PPIG: variants seen among roughly 807,000 people sequenced by gnomAD.
PPIG encodes the protein peptidyl-prolyl cis-trans isomerase G.
PPIG carries 26 observed loss-of-function variants against 87.9 expected under a neutral mutation model. That is an observed-to-expected ratio of 0.30 (90% confidence interval 0.22 to 0.41). The LOEUF is 0.41. Among genes scored for constraint, PPIG ranks in the 10% least tolerant of loss-of-function variants. PPIG has a pLI of 1.00. For missense variants in PPIG, 722 were observed against 879.4 expected (o/e 0.82, Z 2.26); for synonymous variants, 308 against 276.5 (o/e 1.11, Z -1.13).
Position 169,614,657 on chromosome 2 carries a change from T to C in PPIG, c.480T>C (p.Asp160=). The part of the protein sequence containing the change: ...VVREIENQKT[D]AASKPFAEVR... ...GAGAGATTGAAAACCAGAAAACAGA[T>C]GCAGCTAGCAAACCGTTTGCGGAGG... is the stretch of plus-strand genomic sequence containing the variant. The change falls in exon 9 of 14, where the codon GAT becomes GAC. Residue 160 remains aspartate (D), a synonymous_variant. Coordinates refer to ENST00000260970, the MANE Select transcript of PPIG (RefSeq NM_004792.3). The C allele has an allele frequency of 6.2e-7, 1 of 1,612,992 alleles. No individual in the cohort carries two copies. Among genetic ancestry groups the C allele is most frequent in the Non-Finnish European group, 8.5e-7 (1 of 1,179,898 alleles).
rs1224953727 is a variant in PPIG at position 169,638,911 on chromosome 2, TAG to T, written c.*1393_*1394del. On this transcript the variant is annotated 3_prime_UTR_variant, in exon 14 of 14. Transcript: ENST00000260970. ...CAAAATTCCAATTAATAGGATTCTCTAGAGAGTTTTGTACTTTAATATTTGTC... is the reference window on the plus strand; with the variant it reads ...CAAAATTCCAATTAATAGGATTCTCTAGAGTTTTGTACTTTAATATTTGTC... 6.6e-5 allele frequency: 10 copies of T among 151,996 alleles called. No homozygotes were observed. The highest frequency in any genetic ancestry group is 2.2e-4 in the African/African-American group (9 of 41,442). 9.4% of individuals were successfully genotyped at this position (151,996 alleles called of 1,614,324 possible).
In PPIG at chr2:169,636,519, G is replaced by T; in HGVS notation, c.1261G>T (p.Glu421Ter). 6.2e-7 allele frequency: 1 copy of T among 1,609,752 alleles called. No individual in the cohort carries two copies. The highest frequency in any genetic ancestry group is 8.5e-7 in the Non-Finnish European group (1 of 1,178,740). The change falls in exon 14 of 14, where the codon GAA (glutamate) becomes TAA (stop). Residue 421 changes from glutamate (E) to a stop codon, truncating the protein, a stop_gained. Transcript: ENST00000260970. LOFTEE classifies it high-confidence loss of function. ...NVSESPNRKN[E>*]KEKKVKDHKS... ...ATCTGAGAGTCCAAACAGAAAAAAT[G>T]AAAAGGAGAAGAAAGTTAAAGACCA...
Position 169,641,005 on chromosome 2 carries a change from T to C in PPIG, c.*3482T>C, listed in dbSNP as rs1438367253. 1.3e-5 allele frequency: 2 copies of C among 152,196 alleles called. No individual in the cohort carries two copies. The highest frequency in any genetic ancestry group is 2.9e-5 in the Non-Finnish European group (2 of 68,014). The allele number at this position is 152,196 out of a possible 1,614,324, so 9.4% of individuals were successfully genotyped here. ...GGGGTGGATTTGTGTTTCTGACTTTTTTTCTTTAAGCAAATTCCATATGTT... is the reference window on the plus strand; with the variant it reads ...GGGGTGGATTTGTGTTTCTGACTTTCTTTCTTTAAGCAAATTCCATATGTT... On this transcript the variant is annotated 3_prime_UTR_variant, in exon 14 of 14. Transcript: ENST00000260970.
At position 169,604,325 on chromosome 2, in the gene PPIG, T is replaced by TG. The variant is rs1361504630; in HGVS notation, c.136+66dup. On this transcript the variant is annotated intron_variant, in intron 4 of 13. Coordinates refer to ENST00000260970, the MANE Select transcript of PPIG (RefSeq NM_004792.3). ...GTTGACTATGGCTTGCTTGCTTGCT[T>TG]GGTTTTTTTTTTTTTTTTTTTTTTT... 1,077 of 952,362 alleles carry TG rather than the reference T, an allele frequency of 1.1e-3. 39 individuals carry two copies. In the African/African-American group the frequency reaches 0.019, roughly 17 times the overall value. 59.0% of individuals were successfully genotyped at this position (952,362 alleles called of 1,614,324 possible). A position where few individuals can be genotyped will look rare whatever the true frequency, so the allele number is the denominator to read the frequency against.
At chr2:169,600,284 A>G (rs1203285591) in intron 1 of PPIG, among the ~76,000 whole-genome samples, 1 of 152,070 alleles carries the variant, frequency 6.6e-6, no homozygotes, top group African/African-American at 2.4e-5. Context: ...CATGTTGCCC[A>G]GGCTGGTCTC....
At chr2:169,595,992 T>A (rs200054141) in intron 1 of PPIG, among the ~76,000 whole-genome samples, 1 of 151,724 alleles carries the variant, frequency 6.6e-6, no homozygotes, top group South Asian at 2.1e-4. Flanking sequence ...TTAGTAGAGA[T>A]GGGGTTTCTC....
chr2:169,595,585 GTC>G (rs1314189031), intron 1 of PPIG, among the ~76,000 whole-genome samples: 1 of 152,052 alleles, frequency 6.6e-6, no homozygotes, highest in African/African-American at 2.4e-5. Context: ...TCTAGTAACA[GTC>G]TCTCTACTCT....
In PPIG at chr2:169,612,950, G is replaced by A. The variant is rs138183429; in HGVS notation, c.378-1514G>A. On this transcript the variant is annotated intron_variant, in intron 7 of 13. Coordinates refer to ENST00000260970, the MANE Select transcript of PPIG (RefSeq NM_004792.3). ...AGTGGTTGCACCATTCTACATTCCCGTTAGCAATGTACAGGAGTTATTTAT... is the reference window on the plus strand; with the variant it reads ...AGTGGTTGCACCATTCTACATTCCCATTAGCAATGTACAGGAGTTATTTAT... 1.6e-4 allele frequency among the ~76,000 whole-genome samples: 24 copies of A among 152,122 alleles called. No individual in the cohort carries two copies. In the South Asian group the frequency reaches 1.7e-3, roughly 11 times the overall value.
chr2:169,612,951 T>A (rs1685529086), intron 7 of PPIG, among the ~76,000 whole-genome samples: 2 of 152,190 alleles, frequency 1.3e-5, no homozygotes, highest in Admixed American at 1.3e-4. Context: ...TACATTCCCG[T>A]TAGCAATGTA....
chr2:169,628,926 A>C (rs989118112), intron 9 of PPIG, among the ~76,000 whole-genome samples: 10 of 137,982 alleles, frequency 7.2e-5, no homozygotes, highest in African/African-American at 1.4e-4. Flanking sequence ...GCAACAGAGC[A>C]AGACCCTGTC....
intron 10 of PPIG, 124 bp downstream of exon 10, chr2:169,631,111 A>G: frequency 1.1e-6 from 1 of 888,280 alleles, no homozygotes; most frequent in Non-Finnish European, 1.7e-6. Context: ...GGAGCGTAGG[A>G]CTTTTGATAT....
At chr2:169,591,468 G>T (rs1030620223) in intron 1 of PPIG, among the ~76,000 whole-genome samples, 1 of 152,000 alleles carries the variant, frequency 6.6e-6, no homozygotes, top group Non-Finnish European at 1.5e-5. Context: ...AGTATTAAAA[G>T]CTATAGCTAA....
chr2:169,604,333 T>TG, intron 4 of PPIG, 72 bp downstream of exon 4: 1 of 951,628 alleles, frequency 1.1e-6, no homozygotes, highest in Non-Finnish European at 1.5e-6. Context: ...CTTGGTTTTT[T>TG]TTTTTTTTTT....
In PPIG at chr2:169,630,755, CT is replaced by C. The variant is rs754404726; in HGVS notation, c.548-14del. Reference sequence around the variant, plus strand: ...TTGTCTAAAAATTGTTGATCAAAACCTTTTTGTTTTTATTAAAGTTAAGAAA... The same window carrying C: ...TTGTCTAAAAATTGTTGATCAAAACCTTTTGTTTTTATTAAAGTTAAGAAA... On this transcript the variant is annotated intron_variant, in intron 9 of 13. Transcript: ENST00000260970. 18 of 1,572,374 alleles carry C rather than the reference CT, an allele frequency of 1.1e-5. No individual in the cohort carries two copies. In the African/African-American group the frequency reaches 2.5e-4, roughly 22 times the overall value.
At position 169,636,124 on chromosome 2, in the gene PPIG, G is replaced by C. The variant is rs757313970; in HGVS notation, c.1050G>C (p.Arg350Ser). The C allele has an allele frequency of 6.2e-7, 1 of 1,606,332 alleles. No homozygotes were observed. The highest frequency in any genetic ancestry group is 8.5e-7 in the Non-Finnish European group (1 of 1,177,410). ...GAACTCCTTCCAGATCCAGATCAAG[G>C]GATCGTTTCAGACGTAGTGAGACTC... The part of the protein sequence containing the change: ...RYRTPSRSRS[R>S]DRFRRSETPP... Residue 350 changes from arginine to serine, a missense_variant, in exon 13 of 14, where the codon AGG becomes AGC. Physicochemically the swap from Arg to Ser is moderately radical, Grantham distance 110 (BLOSUM62 -1). Transcript: ENST00000260970.
At chr2:169,588,322 G>A (rs1684763457) in intron 1 of PPIG, among the ~76,000 whole-genome samples, 1 of 152,142 alleles carries the variant, frequency 6.6e-6, no homozygotes, top group Non-Finnish European at 1.5e-5. Context: ...GTTATATGGT[G>A]AAAAGTAATA....
At chr2:169,619,986 G>T (rs1291021590) in intron 9 of PPIG, among the ~76,000 whole-genome samples, 1 of 152,060 alleles carries the variant, frequency 6.6e-6, no homozygotes, top group Non-Finnish European at 1.5e-5. Context: ...TTAACCCGTT[G>T]TCAGATGTAT....
At chr2:169,631,541 AT>A (rs1352861006) in intron 10 of PPIG, 7 of 1,283,960 alleles carry the variant, frequency 5.5e-6, no homozygotes, top group African/African-American at 1.6e-5. Context: ...GTAGGAAAAT[AT>A]TTTTTGAGAG....
intron 1 of PPIG, among the ~76,000 whole-genome samples, chr2:169,588,836 T>C (rs1015458771): frequency 9.2e-5 from 14 of 151,660 alleles, no homozygotes; most frequent in African/African-American, 3.1e-4. Flanking sequence ...GGCGCATGCC[T>C]GTAATCCCAG....
Sources: allele counts gnomAD v4.1 joint callset (sites outside exome capture counted in the v4.1 genomes callset), GRCh38; gene constraint gnomAD v4.1.1; transcripts MANE v1.5; gene names NCBI Gene and HGNC (gene_info 2026-07-23, HGNC 2026-07-21).